Variants in ADK observed in about 807,000 individuals in gnomAD.
ADK encodes the protein N6,N6-dimethyladenosine kinase.
A neutral mutation model predicts 44.7 loss-of-function variants in ADK; 24 were observed. The observed-to-expected ratio is 0.54, with a 90% CI of 0.39 to 0.76. The LOEUF (loss-of-function observed/expected upper bound fraction) is 0.76, where lower values mean the gene tolerates loss of function less well. ADK is among the 30% of genes least tolerant of loss of function. ADK has a pLI of 0.00. For synonymous variants in ADK, 128 were observed against 142.6 expected, an observed-to-expected ratio of 0.90 and a Z score of 0.73; for missense variants, 321 against 425.1, an observed-to-expected ratio of 0.76 and a Z score of 2.15.
At chr10:74,693,875 A>T (rs1044447322) in intron 10 of ADK, among the ~76,000 whole-genome samples, 3 of 152,154 alleles carry the variant, frequency 2.0e-5, no homozygotes, top group African/African-American at 7.2e-5. Context: ...CTTGTGGAAA[A>T]TTCATCCAGT....
At chr10:74,342,128 C>T (rs1841602740) in intron 4 of ADK, among the ~76,000 whole-genome samples, 1 of 152,210 alleles carries the variant, frequency 6.6e-6, no homozygotes, top group South Asian at 2.1e-4. Flanking sequence ...TATTTTGGGT[C>T]CATTGCAATT....
chr10:74,370,508 T>C (rs1172091519), intron 4 of ADK, among the ~76,000 whole-genome samples: 1 of 152,196 alleles, frequency 6.6e-6, no homozygotes, highest in South Asian at 2.1e-4. Flanking sequence ...ATTGACCATC[T>C]GCTTTCCTTG....
At chr10:74,184,562 A>T (rs1361214628) in intron 1 of ADK, among the ~76,000 whole-genome samples, 1 of 148,968 alleles carries the variant, frequency 6.7e-6, no homozygotes, top group Non-Finnish European at 1.5e-5. Context: ...GTGGGTAAAG[A>T]TGGGGTCTTG....
chr10:74,298,340 G>A (rs1839887389), intron 3 of ADK, among the ~76,000 whole-genome samples: 1 of 152,150 alleles, frequency 6.6e-6, no homozygotes, highest in African/African-American at 2.4e-5. Flanking sequence ...AGCAAGGAGA[G>A]CTATTTACTA....
At chr10:74,201,438 G>A (rs996776132) in intron 2 of ADK, among the ~76,000 whole-genome samples, 2 of 152,122 alleles carry the variant, frequency 1.3e-5, no homozygotes, top group African/African-American at 4.8e-5. Flanking sequence ...TTACCCATAG[G>A]ACAGTGTAAT....
At chr10:74,697,487 A>C (rs1856249807) in intron 10 of ADK, among the ~76,000 whole-genome samples, 1 of 152,188 alleles carries the variant, frequency 6.6e-6, no homozygotes, top group Non-Finnish European at 1.5e-5. Flanking sequence ...AACAAAAAAA[A>C]CTTTATTCCT....
intron 3 of ADK, among the ~76,000 whole-genome samples, chr10:74,240,371 T>TG (rs1845159283): frequency 3.2e-5 from 4 of 125,218 alleles, no homozygotes; most frequent in Admixed American, 1.7e-4. Context: ...TTCCTTTTAT[T>TG]TTGTGTGTGT....
At chr10:74,594,952 G>A (rs1851850619) in intron 8 of ADK, among the ~76,000 whole-genome samples, 1 of 152,038 alleles carries the variant, frequency 6.6e-6, no homozygotes, top group African/African-American at 2.4e-5. Context: ...AAGGTGGGTG[G>A]ATCACCTGAC....
intron 6 of ADK, among the ~76,000 whole-genome samples, chr10:74,416,221 G>A (rs1402072418): frequency 6.6e-6 from 1 of 151,764 alleles, no homozygotes; most frequent in African/African-American, 2.4e-5. Flanking sequence ...TTTCCTTTCT[G>A]GTACTTAGCA....
chr10:74,683,746 A>G (rs1365107493), intron 10 of ADK, among the ~76,000 whole-genome samples: 1 of 152,236 alleles, frequency 6.6e-6, no homozygotes, highest in Non-Finnish European at 1.5e-5. Flanking sequence ...AACAAGTAAC[A>G]TTTTTAAGGG....
chr10:74,659,235 G>A (rs1463925639), intron 9 of ADK, among the ~76,000 whole-genome samples: 1 of 152,026 alleles, frequency 6.6e-6, no homozygotes, highest in Admixed American at 6.6e-5. Flanking sequence ...TTTCTTAAAT[G>A]CAGTCACACA....
At chr10:74,693,018 G>A (rs1043000549) in intron 10 of ADK, among the ~76,000 whole-genome samples, 1 of 152,072 alleles carries the variant, frequency 6.6e-6, no homozygotes, top group African/African-American at 2.4e-5. Context: ...GGGATGAATA[G>A]GTAGAGAGCA....
chr10:74,294,130 A>G (rs1010437183), intron 3 of ADK, among the ~76,000 whole-genome samples: 11 of 152,100 alleles, frequency 7.2e-5, no homozygotes, highest in African/African-American at 2.7e-4. Flanking sequence ...TCCATGTCCT[A>G]TTCCATCATA....
intron 6 of ADK, among the ~76,000 whole-genome samples, chr10:74,416,757 A>G (rs1052285855): frequency 1.3e-5 from 2 of 151,886 alleles, no homozygotes; most frequent in South Asian, 2.1e-4. Context: ...TCTTCATTCT[A>G]TAAGTAACAA....
At chr10:74,706,353 A>G (rs1321908205) in intron 10 of ADK, among the ~76,000 whole-genome samples, 1 of 152,232 alleles carries the variant, frequency 6.6e-6, no homozygotes, top group African/African-American at 2.4e-5. Flanking sequence ...AGCAAACCCA[A>G]GATCACTAAG....
chr10:74,379,993 C>T (rs531373494), intron 4 of ADK, among the ~76,000 whole-genome samples: 280 of 152,178 alleles, frequency 1.8e-3, no homozygotes, highest in Non-Finnish European at 3.4e-3. Context: ...CCACTGCACT[C>T]CAGTCTGAGT....
chr10:74,650,715 C>G (rs1353058809), intron 9 of ADK, among the ~76,000 whole-genome samples: 1 of 152,178 alleles, frequency 6.6e-6, no homozygotes. Flanking sequence ...CAATTAATGA[C>G]ATCAACCTTG....
At chr10:74,649,227 G>T (rs1048928782) in intron 9 of ADK, among the ~76,000 whole-genome samples, 1 of 151,994 alleles carries the variant, frequency 6.6e-6, no homozygotes, top group African/African-American at 2.4e-5. Flanking sequence ...AACAAAAAAA[G>T]AAATAAAATA....
chr10:74,617,323 C>G (rs1852805421), intron 9 of ADK, among the ~76,000 whole-genome samples: 1 of 152,158 alleles, frequency 6.6e-6, no homozygotes, highest in Non-Finnish European at 1.5e-5. Flanking sequence ...TGTAGATACT[C>G]TATCAGATAA....
Sources: gnomAD v4.1 joint callset for allele counts (sites outside exome capture counted in the v4.1 genomes callset) on GRCh38, gnomAD v4.1.1 for gene constraint, MANE v1.5 for transcripts, NCBI Gene and HGNC (gene_info 2026-07-23, HGNC 2026-07-21) for gene names.